SHOC1: variants seen among roughly 807,000 people sequenced by gnomAD.
SHOC1 encodes the protein shortage in chiasmata 1.
Under a neutral mutation model 179.2 loss-of-function variants are expected in SHOC1, and 136 were observed. That is an observed-to-expected ratio of 0.76 (90% CI 0.66 to 0.87). The LOEUF (loss-of-function observed/expected upper bound fraction) is 0.87. Among genes scored for constraint, SHOC1 ranks in the 40% least tolerant of loss-of-function variants. The pLI is 0.00. For missense variants in SHOC1, 1,538 were observed against 1,700.8 expected, an observed-to-expected ratio of 0.90 and a Z score of 1.68; for synonymous variants, 489 against 586.6, an observed-to-expected ratio of 0.83 and a Z score of 2.41.
At chr9:111,714,420 T>C (rs1348009653) in intron 17 of SHOC1, 25 bp downstream of exon 17, 1 of 1,605,830 alleles carries the variant, frequency 6.2e-7, no homozygotes, top group Non-Finnish European at 8.5e-7. Flanking sequence ...CTGATTATTT[T>C]ACCGGCTTTA....
chr9:111,748,239 T>G, intron 8 of SHOC1, 40 bp from the exon 9 acceptor site: 2 of 1,389,752 alleles, frequency 1.4e-6, no homozygotes, highest in Non-Finnish European at 2.0e-6. Context: ...AATGTACCAT[T>G]AAATTAATTT....
chr9:111,714,697 A>G (rs1489912130), intron 16 of SHOC1, 74 bp from the exon 17 acceptor site: 3 of 1,272,172 alleles, frequency 2.4e-6, no homozygotes, highest in African/African-American at 1.5e-5. Flanking sequence ...AAAAGGCTTA[A>G]AGAAAATAAG....
chr9:111,778,816 T>C (rs1835930373), intron 4 of SHOC1, among the ~76,000 whole-genome samples: 1 of 134,482 alleles, frequency 7.4e-6, no homozygotes, highest in Admixed American at 7.8e-5. Context: ...GAGAAAGTAC[T>C]GGTGGGGAAT....
intron 12 of SHOC1, among the ~76,000 whole-genome samples, chr9:111,731,104 G>A (rs1833548190): frequency 6.6e-6 from 1 of 152,180 alleles, no homozygotes; most frequent in Non-Finnish European, 1.5e-5. Context: ...AGGAGTTAGA[G>A]CCTTGCATTG....
At chr9:111,765,010 G>T (rs914606966) in intron 5 of SHOC1, among the ~76,000 whole-genome samples, 1 of 151,916 alleles carries the variant, frequency 6.6e-6, no homozygotes, top group African/African-American at 2.4e-5. Context: ...ACATGGTGGC[G>T]CATGCCTATA....
chr9:111,784,761 G>A (rs534803034), intron 3 of SHOC1, among the ~76,000 whole-genome samples: 5 of 152,226 alleles, frequency 3.3e-5, no homozygotes, highest in African/African-American at 7.2e-5. Context: ...AGAAGATTCA[G>A]TGTCTAGTGA....
intron 12 of SHOC1, among the ~76,000 whole-genome samples, chr9:111,735,971 T>C (rs1312176197): frequency 6.6e-6 from 1 of 152,206 alleles, no homozygotes; most frequent in Non-Finnish European, 1.5e-5. Context: ...GTCTTTACTA[T>C]TGTGAATAGT....
At chr9:111,702,968 G>A (rs1043041052) in intron 22 of SHOC1, among the ~76,000 whole-genome samples, 1 of 152,044 alleles carries the variant, frequency 6.6e-6, no homozygotes, top group African/African-American at 2.4e-5. Context: ...AAGTTAGCTG[G>A]GTGCAGTGGA....
rs1833387722 is a variant in SHOC1 at position 111,728,005 on chromosome 9, C to T, written c.1462G>A (p.Asp488Asn). Residue 488 changes from aspartate to asparagine, a missense_variant, in exon 13 of 28, where the codon GAT (aspartate) becomes AAT (asparagine). Physicochemically the swap from Asp to Asn is conservative, Grantham distance 23. Transcript: ENST00000682961. ...KSHSSPIALI[D>N]EKSTNAHLSL... ...AAATGAGCATTTGTAGATTTTTCAT[C>T]AATAAGTGCAATAGGTGAAGAATGA... The T allele has an allele frequency of 1.2e-6, 2 of 1,605,916 alleles. No individual in the cohort carries two copies. The highest frequency in any genetic ancestry group is 2.2e-5 in the East Asian group (1 of 44,722).
At chr9:111,719,823 TG>T (rs1440133509) in intron 15 of SHOC1, among the ~76,000 whole-genome samples, 2 of 152,156 alleles carry the variant, frequency 1.3e-5, no homozygotes, top group Admixed American at 6.6e-5. Context: ...GCACTCTACA[TG>T]GAAGAAGATG....
rs1285480108 is a variant in SHOC1, at chr9:111,693,879, G to T, written c.3385C>A (p.Pro1129Thr). The change falls in exon 26 of 28, where the codon CCT (proline) becomes ACT (threonine). Residue 1129 changes from proline to threonine, a missense_variant. By Grantham distance (38) the Pro-to-Thr change is conservative. Transcript: ENST00000682961. Reference protein sequence around the residue: ...LVAQLMLNKGPSLHWILLATL... With the variant: ...LVAQLMLNKGTSLHWILLATL... ...GCTAATAATATCCAATGCAGTGAAG[G>T]TCCTTTATTTAGCATGAGCTGAGCC... 7 of 1,610,682 alleles carry T rather than the reference G, an allele frequency of 4.3e-6. No individual in the cohort carries two copies. The highest frequency in any genetic ancestry group is 5.9e-6 in the Non-Finnish European group (7 of 1,177,178).
Position 111,745,181 on chromosome 9 carries a change from C to G in SHOC1, c.1079+1053G>C, listed in dbSNP as rs143025021. On this transcript the variant is annotated intron_variant, in intron 10 of 27. Transcript: ENST00000682961. Reference sequence around the variant, plus strand: ...ACTCTTAATGGGAATAAACTGATAGCCAAATCTATTGATCAACGATTGTCC... The same window carrying G: ...ACTCTTAATGGGAATAAACTGATAGGCAAATCTATTGATCAACGATTGTCC... 2.6e-3 allele frequency among the ~76,000 whole-genome samples: 403 copies of G among 152,242 alleles called. 1 individual carries two copies. The highest frequency in any genetic ancestry group is 9.1e-3 in the African/African-American group (380 of 41,550).
chr9:111,708,994 T>C (rs1832405300), intron 18 of SHOC1, among the ~76,000 whole-genome samples: 1 of 152,228 alleles, frequency 6.6e-6, no homozygotes, highest in African/African-American at 2.4e-5. Flanking sequence ...CTGGTAGTGA[T>C]AAGAAGTGAG....
intron 5 of SHOC1, among the ~76,000 whole-genome samples, chr9:111,773,547 GGT>G (rs2131611429): frequency 6.6e-6 from 1 of 152,202 alleles, no homozygotes; most frequent in Non-Finnish European, 1.5e-5. Context: ...CCTGACCCCA[GGT>G]GATCCACCCG....
chr9:111,780,034 A>G (rs1835978152), intron 4 of SHOC1, among the ~76,000 whole-genome samples: 1 of 152,200 alleles, frequency 6.6e-6, no homozygotes, highest in Non-Finnish European at 1.5e-5. Flanking sequence ...AATTGGCTAT[A>G]TGCCTTGTAA....
At chr9:111,766,956 G>A (rs1835382167) in intron 5 of SHOC1, among the ~76,000 whole-genome samples, 1 of 152,046 alleles carries the variant, frequency 6.6e-6, no homozygotes, top group Admixed American at 6.6e-5. Flanking sequence ...GATTAGTGAT[G>A]TTGAGCATTT....
intron 5 of SHOC1, chr9:111,759,207 A>G: frequency 2.2e-5 from 36 of 1,613,724 alleles, no homozygotes; most frequent in Non-Finnish European, 2.9e-5. Flanking sequence ...AAATAGAAGT[A>G]TTTGACTTCT....
chr9:111,697,103 T>TA, intron 24 of SHOC1, among the ~76,000 whole-genome samples: 1 of 151,942 alleles, frequency 6.6e-6, no homozygotes. Context: ...CCCCATACCA[T>TA]AATAAGATAT....
Position 111,738,276 on chromosome 9 carries a change from T to C in SHOC1, c.1417+4A>G. 1 of 1,603,924 alleles carries C rather than the reference T, an allele frequency of 6.2e-7. No homozygotes were observed. Among genetic ancestry groups the C allele is most frequent in the East Asian group, 2.2e-5 (1 of 44,624 alleles). On this transcript the variant is annotated splice_donor_region_variant and intron_variant, in intron 12 of 27. Transcript: ENST00000682961. ...ATAACTAATATTTACTGTGATGTAC[T>C]TACATTCTAATTGAAGCACTTTCGT...
Sources: allele counts gnomAD v4.1 joint callset (sites outside exome capture counted in the v4.1 genomes callset), GRCh38; gene constraint gnomAD v4.1.1; transcripts MANE v1.5; gene names NCBI Gene and HGNC (gene_info 2026-07-23, HGNC 2026-07-21).